Variants in TFAP4 observed in about 807,000 individuals in gnomAD.
TFAP4 encodes transcription factor AP-4.
In TFAP4, 7 loss-of-function variants were observed where a neutral mutation model predicts 40.4. The ratio of observed to expected loss-of-function variants is 0.17; its 90% CI spans 0.10 to 0.33. The LOEUF (loss-of-function observed/expected upper bound fraction) is 0.33, where lower values mean the gene tolerates loss of function less well. TFAP4 is among the 10% of genes least tolerant of loss of function. TFAP4 has a pLI of 1.00. For synonymous variants in TFAP4, 218 were observed against 181.4 expected (o/e 1.20, Z -1.62); for missense variants, 374 against 451.1 (o/e 0.83, Z 1.55).
At position 4,257,394 on chromosome 16, in the gene TFAP4, C is replaced by T. The variant is rs1158336780; in HGVS notation, c.*661G>A. 7.6e-6 allele frequency: 1 copy of T among 131,284 alleles called. No individual in the cohort carries two copies. The highest frequency in any genetic ancestry group is 1.6e-5 in the Non-Finnish European group (1 of 61,208). 8.1% of individuals were successfully genotyped at this position (131,284 alleles called of 1,614,324 possible). The stretch of plus-strand genomic sequence containing the variant: ...CCAAAAAGAAATAAAAAACCAACAA[C>T]AAACAAAACAAAAAGAGAGAGACAG... On this transcript the variant is annotated 3_prime_UTR_variant, in exon 7 of 7. Coordinates refer to ENST00000204517, the MANE Select transcript of TFAP4 (RefSeq NM_003223.3).
At chr16:4,261,530 C>G (rs1168732083) in intron 4 of TFAP4, among the ~76,000 whole-genome samples, 1 of 151,908 alleles carries the variant, frequency 6.6e-6, no homozygotes, top group Non-Finnish European at 1.5e-5. Flanking sequence ...CTCAGGTGAT[C>G]CACCCGCCTC....
chr16:4,268,951 G>A lies in TFAP4; in HGVS notation c.89+3707C>T, dbSNP rs539531427. Among the ~76,000 whole-genome samples the A allele has an allele frequency of 1.3e-3, 203 of 152,134 alleles. 2 individuals are homozygous for A. Among genetic ancestry groups the A allele is most frequent in the Admixed American group, 0.012 (191 of 15,296 alleles). On this transcript the variant is annotated intron_variant, in intron 1 of 6. Transcript: ENST00000204517. Reference sequence around the variant, plus strand: ...TACCCAGGCTAGAGTGCAGTGCTATGATCATAGCTCACTGCAATCTCCAAT... The same window carrying A: ...TACCCAGGCTAGAGTGCAGTGCTATAATCATAGCTCACTGCAATCTCCAAT...
In TFAP4 at chr16:4,262,046, G is replaced by A. The variant is rs564319619; in HGVS notation, c.355-97C>T. The A allele has an allele frequency of 2.2e-6, 3 of 1,334,818 alleles. No homozygotes were observed. The East Asian group carries it at 7.4e-5, about 33-fold the overall frequency. 82.7% of individuals were successfully genotyped at this position (1,334,818 alleles called of 1,614,324 possible). ...AGCCCCCCAAAGCTGCCCAACACAG[G>A]TGAATCTTCATTAGGGAGCCCCTTC... On this transcript the variant is annotated intron_variant, in intron 3 of 6. Coordinates refer to ENST00000204517, the MANE Select transcript of TFAP4 (RefSeq NM_003223.3).
At chr16:4,259,251 A>G (rs2052924864) in intron 6 of TFAP4, among the ~76,000 whole-genome samples, 1 of 151,426 alleles carries the variant, frequency 6.6e-6, no homozygotes, top group South Asian at 2.1e-4. Flanking sequence ...CTCCTGCCTC[A>G]GCCTCCCGAA....
At chr16:4,272,187 G>A (rs545635193) in intron 1 of TFAP4, among the ~76,000 whole-genome samples, 8 of 150,402 alleles carry the variant, frequency 5.3e-5, no homozygotes, top group African/African-American at 2.0e-4. Flanking sequence ...ACCCCGCGCC[G>A]GGAGCCGCGG....
intron 1 of TFAP4, among the ~76,000 whole-genome samples, chr16:4,271,859 G>T (rs1004440800): frequency 6.6e-6 from 1 of 152,228 alleles, no homozygotes; most frequent in Non-Finnish European, 1.5e-5. Flanking sequence ...TGCAGGGAAA[G>T]CGTGGCCCAG....
At position 4,257,826 on chromosome 16, in the gene TFAP4, C is replaced by T. The variant is rs1267366410; in HGVS notation, c.*229G>A. On this transcript the variant is annotated 3_prime_UTR_variant, in exon 7 of 7. Transcript: ENST00000204517. ...TCCAGCCCCCGGGGCCGAGGCCCCG[C>T]CCTGGGGTGCCGATGCTCCCACACG... 1 of 468,070 alleles carries T rather than the reference C, an allele frequency of 2.1e-6. No individual in the cohort carries two copies. Among genetic ancestry groups the T allele is most frequent in the African/African-American group, 2.0e-5 (1 of 49,150 alleles). The allele number at this position is 468,070 out of a possible 1,614,324, so 29.0% of individuals were successfully genotyped here. A position where few individuals can be genotyped will look rare whatever the true frequency, so the allele number is the denominator to read the frequency against.
chr16:4,260,622 G>A, intron 4 of TFAP4, 27 bp from the exon 5 acceptor site: 1 of 1,564,736 alleles, frequency 6.4e-7, no homozygotes, highest in Non-Finnish European at 8.6e-7. Context: ...CTGGGCTCAG[G>A]GCCAAGGCCG....
intron 4 of TFAP4, 149 bp from the exon 5 acceptor site, chr16:4,260,744 AGCCCCCGGCTCC>A: frequency 1.1e-6 from 1 of 885,106 alleles, no homozygotes; most frequent in South Asian, 2.1e-5. Flanking sequence ...AGAGCCCTTC[AGCCCCCGGCTCC>A]TCTCGCCTCC....
At chr16:4,272,423 C>T (rs2053047119) in intron 1 of TFAP4, among the ~76,000 whole-genome samples, 2 of 152,152 alleles carry the variant, frequency 1.3e-5, no homozygotes, top group East Asian at 3.9e-4. Context: ...CGTCGCGACT[C>T]GCCCGCCTGC....
At chr16:4,270,686 T>C (rs889692454) in intron 1 of TFAP4, among the ~76,000 whole-genome samples, 4 of 152,218 alleles carry the variant, frequency 2.6e-5, no homozygotes, top group South Asian at 2.1e-4. Context: ...AAAGGAACGC[T>C]TGGGGCAGGG....
At chr16:4,258,425 T>C in intron 6 of TFAP4, 176 bp from the exon 7 acceptor site, 1 of 584,640 alleles carries the variant, frequency 1.7e-6, no homozygotes, top group Non-Finnish European at 2.9e-6. Flanking sequence ...CTTTTACTTT[T>C]TTTTTGGAGA....
chr16:4,259,237 G>C (rs369388241), intron 6 of TFAP4, among the ~76,000 whole-genome samples: 7 of 151,710 alleles, frequency 4.6e-5, no homozygotes, highest in African/African-American at 1.7e-4. Flanking sequence ...ATGTTCAAGC[G>C]ATTCTCCTGC....
At position 4,263,916 on chromosome 16, in the gene TFAP4, C is replaced by T. The variant is rs550941069; in HGVS notation, c.90-1215G>A. On this transcript the variant is annotated intron_variant, in intron 1 of 6. Coordinates refer to ENST00000204517, the MANE Select transcript of TFAP4 (RefSeq NM_003223.3). The stretch of plus-strand genomic sequence containing the variant: ...GGGCTTGTGTGTGGCCTGGAGGAGG[C>T]ATGTCCCCCTCCCTGGACCTCCCCT... 83 of 152,954 alleles carry T rather than the reference C, an allele frequency of 5.4e-4. No individual in the cohort carries two copies. The South Asian group carries it at 0.016, about 30-fold the overall frequency. The allele number at this position is 152,954 out of a possible 1,614,324, so 9.5% of individuals were successfully genotyped here.
At chr16:4,271,489 T>C (rs1042458734) in intron 1 of TFAP4, among the ~76,000 whole-genome samples, 1 of 152,222 alleles carries the variant, frequency 6.6e-6, no homozygotes, top group Admixed American at 6.5e-5. Flanking sequence ...AAAATGCAGA[T>C]GTCCGGGCCC....
intron 1 of TFAP4, among the ~76,000 whole-genome samples, chr16:4,267,411 C>T (rs1011092124): frequency 1.3e-5 from 2 of 152,258 alleles, no homozygotes; most frequent in Admixed American, 1.3e-4. Context: ...GGAATAAGGT[C>T]ACTGAGCAGC....
At chr16:4,270,034 A>G (rs2053029139) in intron 1 of TFAP4, among the ~76,000 whole-genome samples, 1 of 151,834 alleles carries the variant, frequency 6.6e-6, no homozygotes, top group African/African-American at 2.4e-5. Context: ...AAAATAAAAA[A>G]ATTAGCCAGG....
Position 4,272,615 on chromosome 16 carries a change from G to A in TFAP4, c.89+43C>T, listed in dbSNP as rs769291692. On this transcript the variant is annotated intron_variant, in intron 1 of 6. Coordinates refer to ENST00000204517, the MANE Select transcript of TFAP4 (RefSeq NM_003223.3). ...GCCCGCCCGGGCGGGCTGGCCGGGG[G>A]CTGCAGTGGTAGGAAGGGGGTGGGG... is the stretch of plus-strand genomic sequence containing the variant. 4.6e-6 allele frequency: 7 copies of A among 1,518,498 alleles called. No homozygotes were observed. In the African/African-American group the frequency reaches 5.6e-5, roughly 12 times the overall value. The allele number at this position is 1,518,498 out of a possible 1,614,324, so 94.1% of individuals were successfully genotyped here.
intron 4 of TFAP4, among the ~76,000 whole-genome samples, chr16:4,261,083 C>T (rs1291815519): frequency 6.6e-6 from 1 of 152,178 alleles, no homozygotes; most frequent in Admixed American, 6.5e-5. Flanking sequence ...ATCCTCCCAG[C>T]TCAGCCTCCT....
Sources: allele counts gnomAD v4.1 joint callset (sites outside exome capture counted in the v4.1 genomes callset), GRCh38; gene constraint gnomAD v4.1.1; transcripts MANE v1.5; gene names NCBI Gene and HGNC (gene_info 2026-07-23, HGNC 2026-07-21).